ACTR3C: variants seen among roughly 807,000 people sequenced by gnomAD.
The protein encoded by ACTR3C is actin-related protein 3C.
A neutral mutation model predicts 26.3 loss-of-function variants in ACTR3C; 18 were observed. The ratio of observed to expected loss-of-function variants is 0.68; its 90% confidence interval spans 0.47 to 1.01. The LOEUF is 1.01. Ranked by LOEUF, ACTR3C falls within the 50% of genes least tolerant of loss-of-function variation. The pLI is 0.00. For synonymous variants in ACTR3C, 55 were observed against 94.5 expected, an observed-to-expected ratio of 0.58 and a Z score of 2.42; for missense variants, 184 against 250.7, an observed-to-expected ratio of 0.73 and a Z score of 1.80.
chr7:150,259,273 AAAAG>A lies in ACTR3C; in HGVS notation c.565-10223_565-10220del, dbSNP rs374612383. On this transcript the variant is annotated intron_variant, in intron 6 of 7. Transcript: ENST00000683684. ...AGAAAAGAAAGAGAAAGAAGAAAGA[AAAAG>A]AAAGAAAGAAAGAAAAAGAAAGAAA... Among the ~76,000 whole-genome samples the A allele has an allele frequency of 3.8e-4, 56 of 148,446 alleles. 1 individual carries two copies. The highest frequency in any genetic ancestry group is 3.6e-3 in the Middle Eastern group (1 of 276).
chr7:150,169,271 T>A, the ACTR3C span, among the ~76,000 whole-genome samples: 664 of 149,418 alleles, frequency 4.4e-3, 2 homozygotes, highest in Non-Finnish European at 6.8e-3. Context: ...TAGTTACAGC[T>A]ACTTGGGAGG....
intron 6 of ACTR3C, among the ~76,000 whole-genome samples, chr7:150,278,169 C>T (rs1024373433): frequency 1.3e-5 from 2 of 152,234 alleles, no homozygotes; most frequent in African/African-American, 2.4e-5. Flanking sequence ...CCTAGTGCTG[C>T]AACACAGATC....
chr7:150,025,013 G>A, the ACTR3C span, among the ~76,000 whole-genome samples: 1 of 152,154 alleles, frequency 6.6e-6, no homozygotes, highest in East Asian at 1.9e-4. Context: ...TGTTTGTCAT[G>A]ATACAAACAT....
the ACTR3C span, among the ~76,000 whole-genome samples, chr7:150,086,702 C>A: frequency 6.7e-6 from 1 of 149,980 alleles, no homozygotes; most frequent in African/African-American, 2.4e-5. Context: ...CAAAGGGGAG[C>A]GAGGAAAGAA....
At chr7:150,040,456 C>T in the ACTR3C span, 1 of 148,112 alleles carries the variant, frequency 6.8e-6, no homozygotes. Flanking sequence ...TTTCCGGGTC[C>T]CCGCCCCCTT....
At chr7:149,950,023 GA>G in the ACTR3C span, among the ~76,000 whole-genome samples, 1 of 148,020 alleles carries the variant, frequency 6.8e-6, no homozygotes. Context: ...GAGCAGGGAG[GA>G]AGTGCACCCA....
the ACTR3C span, among the ~76,000 whole-genome samples, chr7:150,085,969 CT>C: frequency 1.4e-4 from 21 of 147,762 alleles, no homozygotes; most frequent in African/African-American, 5.5e-4. Flanking sequence ...TTTTTTTTTT[CT>C]TTTTTCTTTC....
chr7:150,274,712 C>A lies in ACTR3C; in HGVS notation c.564+10041G>T, dbSNP rs552390587. ...GAAGCGGCTCAGCCCACGTGGAGACCCACGCAGCTTGGCCCTGACGCCTAT... is the reference window on the plus strand; with the variant it reads ...GAAGCGGCTCAGCCCACGTGGAGACACACGCAGCTTGGCCCTGACGCCTAT... On this transcript the variant is annotated intron_variant, in intron 6 of 7. Transcript: ENST00000683684. This position sits in a 1 kb window ranked among gnomAD's most constrained non-coding sequence, Gnocchi z 4.1. Among the ~76,000 whole-genome samples, 20 of 152,288 alleles carry A rather than the reference C, an allele frequency of 1.3e-4. No homozygotes were observed. Among genetic ancestry groups the A allele is most frequent in the Non-Finnish European group, 2.1e-4 (14 of 68,026 alleles).
the ACTR3C span, among the ~76,000 whole-genome samples, chr7:150,136,386 C>T: frequency 6.6e-6 from 1 of 152,144 alleles, no homozygotes; most frequent in Non-Finnish European, 1.5e-5. Context: ...ACCTGAAACT[C>T]AGGCTGGGCA....
At chr7:150,164,956 A>T in the ACTR3C span, among the ~76,000 whole-genome samples, 16 of 152,162 alleles carry the variant, frequency 1.1e-4, no homozygotes, top group Admixed American at 3.9e-4. Context: ...CACCTCATTT[A>T]ACCCTCCTGG....
chr7:150,035,876 G>T, the ACTR3C span, among the ~76,000 whole-genome samples: 1 of 139,174 alleles, frequency 7.2e-6, no homozygotes, highest in Non-Finnish European at 1.6e-5. Flanking sequence ...AACAGCCAGG[G>T]GCGGAAGAGG....
At chr7:149,926,974 C>T in the ACTR3C span, among the ~76,000 whole-genome samples, 12 of 152,050 alleles carry the variant, frequency 7.9e-5, no homozygotes, top group African/African-American at 2.2e-4. Flanking sequence ...TTCCTTCTTC[C>T]GCCATGGGAT....
the ACTR3C span, among the ~76,000 whole-genome samples, chr7:150,220,711 G>A: frequency 6.6e-6 from 1 of 152,278 alleles, no homozygotes; most frequent in Non-Finnish European, 1.5e-5. Context: ...GCAAGGGGTG[G>A]GGAAACCCGC....
At chr7:149,955,193 A>G in the ACTR3C span, among the ~76,000 whole-genome samples, 7 of 152,348 alleles carry the variant, frequency 4.6e-5, no homozygotes, top group South Asian at 1.5e-3. Context: ...TCCAGTTAGT[A>G]CCACCATCTG....
At chr7:149,939,600 G>A in the ACTR3C span, among the ~76,000 whole-genome samples, 1 of 152,072 alleles carries the variant, frequency 6.6e-6, no homozygotes, top group East Asian at 1.9e-4. Flanking sequence ...AGGGACCTGT[G>A]CTGGGCTCCT....
intron 1 of ACTR3C, among the ~76,000 whole-genome samples, chr7:150,318,751 C>T (rs1797195412): frequency 2.0e-5 from 3 of 152,150 alleles, no homozygotes; most frequent in African/African-American, 7.2e-5. Context: ...ATCTCAACAA[C>T]AATGGCAACA....
chr7:150,037,659 C>A, the ACTR3C span, among the ~76,000 whole-genome samples: 35 of 106,120 alleles, frequency 3.3e-4, no homozygotes, highest in South Asian at 4.5e-3. Context: ...GGACAACTAA[C>A]ACCCACAGTC....
the ACTR3C span, among the ~76,000 whole-genome samples, chr7:150,237,261 A>C: frequency 2.1e-3 from 322 of 152,276 alleles, 2 homozygotes; most frequent in African/African-American, 7.5e-3. Context: ...TCCTCTTGGC[A>C]CTGGCTGTAT....
intron 5 of ACTR3C, among the ~76,000 whole-genome samples, 170 bp from the exon 6 acceptor site, chr7:150,285,015 G>C (rs1835658386): frequency 6.6e-6 from 1 of 152,146 alleles, no homozygotes; most frequent in Non-Finnish European, 1.5e-5. Context: ...CGTGTGCGTG[G>C]GGTGGTGATG....
Sources: allele counts gnomAD v4.1 joint callset (sites outside exome capture counted in the v4.1 genomes callset), GRCh38; gene constraint gnomAD v4.1.1; non-coding constraint Gnocchi (gnomAD v3.1); transcripts MANE v1.5; gene names NCBI Gene and HGNC (gene_info 2026-07-23, HGNC 2026-07-21).